The following PRRC2C variants were observed in gnomAD, a reference collection of about 807,000 sequenced individuals.
PRRC2C encodes the protein protein PRRC2C.
PRRC2C carries 72 observed loss-of-function variants against 317.2 expected under a neutral mutation model. The ratio of observed to expected loss-of-function variants is 0.23; its 90% CI spans 0.19 to 0.28. PRRC2C has a LOEUF of 0.28. PRRC2C is among the 10% of genes least tolerant of loss of function. The pLI, the probability that PRRC2C is intolerant of heterozygous loss-of-function variation, is 1.00. For synonymous variants in PRRC2C, 1,296 were observed against 1,205.9 expected (o/e 1.07, Z -1.55); for missense variants, 3,074 against 3,459.7 (o/e 0.89, Z 2.80).
intron 4 of PRRC2C, among the ~76,000 whole-genome samples, chr1:171,515,116 A>T (rs564005932): frequency 3.3e-5 from 5 of 152,368 alleles, no homozygotes; most frequent in Admixed American, 3.3e-4. Flanking sequence ...TCCCCAGCAG[A>T]ATTTAGTTTT....
At chr1:171,581,666 C>T (rs235492) in intron 28 of PRRC2C, among the ~76,000 whole-genome samples, 121,937 of 152,094 alleles carry the variant, frequency 0.8, 49,025 homozygotes, top group Middle Eastern at 0.89. Flanking sequence ...AATCTCTGAA[C>T]TGGTTTCTGC....
chr1:171,530,427 G>A (rs1369736204), intron 11 of PRRC2C, among the ~76,000 whole-genome samples: 1 of 151,612 alleles, frequency 6.6e-6, no homozygotes, highest in East Asian at 1.9e-4. Context: ...TGTATTTTTT[G>A]TAGAGATGGG....
intron 30 of PRRC2C, among the ~76,000 whole-genome samples, chr1:171,585,475 T>C (rs975146131): frequency 3.9e-5 from 6 of 152,200 alleles, no homozygotes; most frequent in African/African-American, 1.2e-4. Context: ...CATTTTCTTA[T>C]AACTGTTGTT....
intron 27 of PRRC2C, 102 bp downstream of exon 27, chr1:171,579,568 T>C: frequency 7.0e-7 from 1 of 1,437,154 alleles, no homozygotes; most frequent in Non-Finnish European, 9.1e-7. Flanking sequence ...AATTACAAGC[T>C]ACCCACGATT....
intron 19 of PRRC2C, among the ~76,000 whole-genome samples, chr1:171,559,876 C>T (rs937188421): frequency 6.6e-6 from 1 of 152,066 alleles, no homozygotes; most frequent in Non-Finnish European, 1.5e-5. Context: ...GGGAAAAATG[C>T]TCAAAAGCTT....
intron 1 of PRRC2C, among the ~76,000 whole-genome samples, chr1:171,498,145 G>A (rs943392175): frequency 2.0e-5 from 3 of 152,014 alleles, no homozygotes; most frequent in African/African-American, 7.3e-5. Flanking sequence ...CTATTTTATT[G>A]CTAGAGCTTT....
Position 171,550,214 on chromosome 1 carries a change from C to G in PRRC2C, c.5101C>G (p.Arg1701Gly), listed in dbSNP as rs1400478151. 2 of 1,600,316 alleles carry G rather than the reference C, an allele frequency of 1.2e-6. No individual in the cohort carries two copies. The highest frequency in any genetic ancestry group is 1.1e-5 in the South Asian group (1 of 88,644). ...QQKRLQDEER[R>G]KKEEQVIQVW... ...AAAACGTTTACAGGATGAAGAACGC[C>G]GAAAGAAGGAAGAACAAGTCATACA... Residue 1701 changes from arginine to glycine, a missense_variant, in exon 18 of 35, where the codon CGA becomes GGA. Physicochemically the swap from Arg to Gly is moderately radical, Grantham distance 125. Transcript: ENST00000647382.
intron 11 of PRRC2C, among the ~76,000 whole-genome samples, chr1:171,530,856 T>C (rs997239594): frequency 1.3e-5 from 2 of 152,200 alleles, no homozygotes; most frequent in Non-Finnish European, 2.9e-5. Flanking sequence ...AAATGAAATA[T>C]CTATTTACCA....
intron 6 of PRRC2C, among the ~76,000 whole-genome samples, 183 bp from the exon 7 acceptor site, chr1:171,521,994 A>G (rs750690479): frequency 3.3e-5 from 5 of 152,158 alleles, no homozygotes; most frequent in East Asian, 1.9e-4. Flanking sequence ...GCTAGTGGCA[A>G]TGGCCTTGGA....
At chr1:171,536,911 T>C (rs1263493195) in intron 14 of PRRC2C, among the ~76,000 whole-genome samples, 1 of 152,220 alleles carries the variant, frequency 6.6e-6, no homozygotes, top group Non-Finnish European at 1.5e-5. Context: ...AAAGTTATCA[T>C]AGTATAATTT....
chr1:171,492,183 G>A (rs1571538927), intron 1 of PRRC2C, among the ~76,000 whole-genome samples: 1 of 152,138 alleles, frequency 6.6e-6, no homozygotes, highest in East Asian at 1.9e-4. Context: ...AATGTAGAAA[G>A]ATAAAACATC....
At chr1:171,572,188 C>A (rs1419736778) in intron 24 of PRRC2C, among the ~76,000 whole-genome samples, 1 of 151,724 alleles carries the variant, frequency 6.6e-6, no homozygotes, top group Admixed American at 6.6e-5. Flanking sequence ...TGGGGTTTTG[C>A]CATGTTGCCC....
intron 17 of PRRC2C, 64 bp from the exon 18 acceptor site, chr1:171,550,022 A>C: frequency 7.1e-7 from 1 of 1,402,412 alleles, no homozygotes; most frequent in Non-Finnish European, 9.5e-7. Flanking sequence ...TACTGTACTA[A>C]ACATTTTTAT....
At chr1:171,563,369 T>C (rs1683053902) in intron 20 of PRRC2C, among the ~76,000 whole-genome samples, 1 of 152,128 alleles carries the variant, frequency 6.6e-6, no homozygotes, top group South Asian at 2.1e-4. Context: ...TTATACCATA[T>C]TATTTAGGGA....
chr1:171,587,270 T>C, intron 31 of PRRC2C, 49 bp downstream of exon 31: 1 of 1,488,174 alleles, frequency 6.7e-7, no homozygotes, highest in African/African-American at 1.4e-5. Context: ...TAAGGTAGTG[T>C]GTTCAGATAT....
intron 12 of PRRC2C, 84 bp from the exon 13 acceptor site, chr1:171,535,344 A>G (rs1676622063): frequency 8.0e-7 from 1 of 1,246,204 alleles, no homozygotes. Context: ...ATTAACTTTT[A>G]TTATACCTCA....
chr1:171,514,378 A>G (rs1213952725), intron 3 of PRRC2C, among the ~76,000 whole-genome samples, 158 bp from the exon 4 acceptor site: 1 of 152,192 alleles, frequency 6.6e-6, no homozygotes, highest in Non-Finnish European at 1.5e-5. Context: ...GCCATAATTC[A>G]TTTAAAGGAA....
At chr1:171,520,797 CTT>C (rs61220175) in intron 6 of PRRC2C, among the ~76,000 whole-genome samples, 10 of 109,328 alleles carry the variant, frequency 9.1e-5, no homozygotes, top group East Asian at 5.6e-4. Flanking sequence ...ATTTCTTCTC[CTT>C]TTTTTTTTTT....
intron 4 of PRRC2C, among the ~76,000 whole-genome samples, chr1:171,515,022 C>T (rs1405491563): frequency 2.6e-5 from 4 of 152,210 alleles, no homozygotes; most frequent in South Asian, 2.1e-4. Context: ...CATGCTGCCA[C>T]GATTCCTGAG....
Sources: allele counts gnomAD v4.1 joint callset (sites outside exome capture counted in the v4.1 genomes callset), GRCh38; gene constraint gnomAD v4.1.1; transcripts MANE v1.5; gene names NCBI Gene and HGNC (gene_info 2026-07-23, HGNC 2026-07-21).